The following ASB7 variants were observed in gnomAD, a reference collection of about 807,000 sequenced individuals.
ASB7 encodes ankyrin repeat and SOCS box protein 7.
ASB7 carries 4 observed loss-of-function variants against 32.5 expected under a neutral mutation model. That is an observed-to-expected ratio of 0.12 (90% confidence interval 0.06 to 0.28). ASB7 has a LOEUF of 0.28. ASB7 is among the 10% of genes least tolerant of loss of function. The pLI, the probability that ASB7 is intolerant of heterozygous loss-of-function variation, is 1.00. For synonymous variants in ASB7, 172 were observed against 155.6 expected, an observed-to-expected ratio of 1.11 and a Z score of -0.78; for missense variants, 181 against 407.1, an observed-to-expected ratio of 0.44 and a Z score of 4.78.
chr15:100,603,817 G>T (rs779594466), intron 2 of ASB7, among the ~76,000 whole-genome samples: 2 of 152,082 alleles, frequency 1.3e-5, no homozygotes, highest in African/African-American at 4.8e-5. Context: ...GTAAATTATT[G>T]GCCTGAGATT....
At chr15:100,646,441 C>G in intron 5 of ASB7, 1 of 460,006 alleles carries the variant, frequency 2.2e-6, no homozygotes, top group Non-Finnish European at 4.5e-6. Context: ...GGTGTTCTCC[C>G]GTTCCATGTG....
Position 100,627,089 on chromosome 15 carries a change from GA to G in ASB7, c.212-2337del, listed in dbSNP as rs936964645. ...GCATTTTACCTCAATAAAGCTGTTA[GA>G]AAAAAAAAAATCCCCTCATATTCAT... On this transcript the variant is annotated intron_variant, in intron 4 of 5. Transcript: ENST00000332783. Among the ~76,000 whole-genome samples, 412 of 146,534 alleles carry G rather than the reference GA, an allele frequency of 2.8e-3. 2 individuals carry two copies. Among genetic ancestry groups the G allele is most frequent in the Middle Eastern group, 0.011 (3 of 282 alleles).
chr15:100,636,636 A>G (rs1249180698), intron 5 of ASB7, among the ~76,000 whole-genome samples: 1 of 152,232 alleles, frequency 6.6e-6, no homozygotes, highest in Admixed American at 6.5e-5. Flanking sequence ...CCTTCTCTGA[A>G]AAACAGGGGA....
rs182034170 is a variant in ASB7 at position 100,642,090 on chromosome 15, C to T, written c.818-6233C>T. On this transcript the variant is annotated intron_variant, in intron 5 of 5. Transcript: ENST00000332783. ...AGAAACCTTTAAAAGGTCAGATTCT[C>T]CCAACAACACACATTTAAAGGAAAA... Among the ~76,000 whole-genome samples, 8 of 152,296 alleles carry T rather than the reference C, an allele frequency of 5.3e-5. No homozygotes were observed. In the East Asian group the frequency reaches 1.4e-3, roughly 26 times the overall value.
chr15:100,607,288 C>G (rs1311140887), intron 2 of ASB7, among the ~76,000 whole-genome samples: 1 of 152,066 alleles, frequency 6.6e-6, no homozygotes, highest in Non-Finnish European at 1.5e-5. Flanking sequence ...TGGACTTCCT[C>G]TGTTGTTTTT....
chr15:100,645,333 C>T (rs2039990222), intron 5 of ASB7: 1 of 225,486 alleles, frequency 4.4e-6, no homozygotes, highest in African/African-American at 2.3e-5. Flanking sequence ...CAAAAGGCTG[C>T]TTTCTGCATC....
intron 2 of ASB7, among the ~76,000 whole-genome samples, chr15:100,605,677 G>A (rs571878517): frequency 2.6e-5 from 4 of 152,232 alleles, no homozygotes; most frequent in South Asian, 2.1e-4. Context: ...CCCTCCCTAC[G>A]TAGGATGATT....
At chr15:100,610,243 C>T (rs1401136998) in intron 3 of ASB7, among the ~76,000 whole-genome samples, 3 of 151,920 alleles carry the variant, frequency 2.0e-5, no homozygotes, top group African/African-American at 7.3e-5. Context: ...GCCTGTAATC[C>T]TAGCACTTTG....
At chr15:100,607,041 T>A (rs1029244004) in intron 2 of ASB7, among the ~76,000 whole-genome samples, 7 of 151,740 alleles carry the variant, frequency 4.6e-5, no homozygotes, top group Non-Finnish European at 1.0e-4. Context: ...TAGTCCCAGC[T>A]ACTTAGGAGG....
intron 4 of ASB7, among the ~76,000 whole-genome samples, chr15:100,618,275 C>T (rs1257090734): frequency 6.6e-6 from 1 of 151,924 alleles, no homozygotes; most frequent in Non-Finnish European, 1.5e-5. Context: ...TGCCACCACA[C>T]CCAGCTAATT....
intron 4 of ASB7, among the ~76,000 whole-genome samples, chr15:100,627,389 A>G (rs1375973931): frequency 1.3e-5 from 2 of 152,320 alleles, no homozygotes; most frequent in East Asian, 3.9e-4. Flanking sequence ...TTTCTTACTG[A>G]ATTTCTGTCT....
chr15:100,642,525 T>G (rs1026686114), intron 5 of ASB7, among the ~76,000 whole-genome samples: 1 of 152,246 alleles, frequency 6.6e-6, no homozygotes, highest in African/African-American at 2.4e-5. Context: ...ACAGGCTTCT[T>G]AAAGCCCTTC....
chr15:100,645,365 T>G (rs2039990410), intron 5 of ASB7: 2 of 264,566 alleles, frequency 7.6e-6, no homozygotes, highest in South Asian at 8.7e-5. Context: ...AATTTCATGA[T>G]TCTCTACCAA....
At chr15:100,605,509 A>G (rs2039636391) in intron 2 of ASB7, among the ~76,000 whole-genome samples, 3 of 152,230 alleles carry the variant, frequency 2.0e-5, no homozygotes, top group Admixed American at 2.0e-4. Flanking sequence ...ACAATTAGTT[A>G]ATACTATGAC....
intron 2 of ASB7, among the ~76,000 whole-genome samples, chr15:100,603,605 C>T (rs1448905804): frequency 6.6e-6 from 1 of 152,080 alleles, no homozygotes; most frequent in Non-Finnish European, 1.5e-5. Flanking sequence ...GCTTTGAGAC[C>T]TTTTTGTAGC....
chr15:100,642,690 C>T lies in ASB7; in HGVS notation c.818-5633C>T, dbSNP rs78718759. ...GAGACATTTGTTTTACTTCCCTGCT[C>T]CACACGTTATTTTCTGGAGCAATTT... On this transcript the variant is annotated intron_variant, in intron 5 of 5. Coordinates refer to ENST00000332783, the MANE Select transcript of ASB7 (RefSeq NM_198243.3). Among the ~76,000 whole-genome samples, 1,201 of 152,362 alleles carry T rather than the reference C, an allele frequency of 7.9e-3. 14 individuals carry two copies. The highest frequency in any genetic ancestry group is 0.024 in the African/African-American group (1,001 of 41,582).
intron 5 of ASB7, among the ~76,000 whole-genome samples, chr15:100,636,907 T>A (rs868722652): frequency 3.3e-5 from 5 of 152,364 alleles, no homozygotes; most frequent in Middle Eastern, 3.4e-3. Flanking sequence ...GACATTTGTG[T>A]TGATGGTGTA....
intron 5 of ASB7, among the ~76,000 whole-genome samples, chr15:100,638,661 C>T (rs1331321079): frequency 1.3e-5 from 2 of 152,194 alleles, no homozygotes; most frequent in Non-Finnish European, 2.9e-5. Context: ...ACTTTCACGG[C>T]TTACTTTGAC....
chr15:100,625,377 T>TTA (rs1001204224), intron 4 of ASB7, among the ~76,000 whole-genome samples: 2 of 152,182 alleles, frequency 1.3e-5, no homozygotes, highest in African/African-American at 4.8e-5. Flanking sequence ...TTTGGGTAGG[T>TTA]TATAGAATAC....
Sources: gnomAD v4.1 joint callset for allele counts (sites outside exome capture counted in the v4.1 genomes callset) on GRCh38, gnomAD v4.1.1 for gene constraint, MANE v1.5 for transcripts, NCBI Gene and HGNC (gene_info 2026-07-23, HGNC 2026-07-21) for gene names.